Variants in BBS10 observed in about 807,000 individuals in gnomAD.
BBS10 encodes Bardet-Biedl syndrome 10.
A neutral mutation model predicts 12.7 loss-of-function variants in BBS10; 13 were observed. The observed-to-expected ratio is 1.03, with a 90% CI of 0.67 to 1.63. The LOEUF (loss-of-function observed/expected upper bound fraction) is 1.63, where lower values mean the gene tolerates loss of function less well. Among genes scored for constraint, BBS10 ranks in the 40% most tolerant of loss-of-function variants. The probability of loss-of-function intolerance (pLI) is 0.00; values close to 1 mark genes in which losing one functional copy is unlikely to be tolerated. For synonymous variants in BBS10, 294 were observed against 304.8 expected (o/e 0.96, Z 0.37); for missense variants, 858 against 858.0 (o/e 1.00, Z 0.00).
chr12:76,347,139 CTG>C lies in BBS10; in HGVS notation c.844_845del (p.Gln282ValfsTer21). 3 of 1,611,708 alleles carry C rather than the reference CTG, an allele frequency of 1.9e-6. No homozygotes were observed. The highest frequency in any genetic ancestry group is 2.5e-6 in the Non-Finnish European group (3 of 1,179,946). On this transcript the variant is annotated frameshift_variant, in exon 2 of 2. Transcript: ENST00000650064. LOFTEE classifies it low-confidence loss of function (END_TRUNC). ...GSEFILNSEAQFQTSQFWIME... is the reference protein window; with the variant it reads ...GSEFILNSEAXFQTSQFWIME... ...TAATCCAAAATTGAGATGTCTGAAA[CTG>C]TGCTTCTGAATTTAGAATAAACTCT...
rs764694032 is a variant in BBS10, at chr12:76,346,039, G to C, written c.1946C>G (p.Thr649Arg). The C allele has an allele frequency of 1.4e-5, 23 of 1,613,786 alleles. No homozygotes were observed. Among genetic ancestry groups the C allele is most frequent in the Non-Finnish European group, 8.5e-7 (1 of 1,179,910 alleles). ...TGTATGTGGAAAGCTGTACTTTCCT[G>C]TTTTAGATTTATAAAGGACTTTGGG... The part of the protein sequence containing the change: ...GIPKVLYKSK[T>R]GKYSFPHTYI... Residue 649 changes from threonine to arginine, a missense_variant, in exon 2 of 2, where the codon ACA (threonine) becomes AGA (arginine). Transcript: ENST00000650064.
In BBS10 at chr12:76,345,555, A is replaced by G. The variant is rs576255500; in HGVS notation, c.*258T>C. ...CTCCCCTAAACACATAGGCTAACAC[A>G]GAGCTGAGACACAGAGGCATAAAAT... is the stretch of plus-strand genomic sequence containing the variant. On this transcript the variant is annotated 3_prime_UTR_variant, in exon 2 of 2. Transcript: ENST00000650064. The G allele has an allele frequency of 7.2e-5, 32 of 447,398 alleles. No homozygotes were observed. Among genetic ancestry groups the G allele is most frequent in the South Asian group, 6.9e-4 (32 of 46,576 alleles). 27.7% of individuals were successfully genotyped at this position (447,398 alleles called of 1,614,324 possible).
rs951451406 is a variant in BBS10 at position 76,345,733 on chromosome 12, A to G, written c.*80T>C. 7 of 1,310,838 alleles carry G rather than the reference A, an allele frequency of 5.3e-6. No homozygotes were observed. The African/African-American group carries it at 1.0e-4, about 19-fold the overall frequency. The allele number at this position is 1,310,838 out of a possible 1,614,324, so 81.2% of individuals were successfully genotyped here. A position where few individuals can be genotyped will look rare whatever the true frequency, so the allele number is the denominator to read the frequency against. On this transcript the variant is annotated 3_prime_UTR_variant, in exon 2 of 2. Transcript: ENST00000650064. ...CTATTTTCCTAAGTAGACTGAACTGACTTTAGAACCAGTGGTCACATGACT... is the reference window on the plus strand; with the variant it reads ...CTATTTTCCTAAGTAGACTGAACTGGCTTTAGAACCAGTGGTCACATGACT...
chr12:76,345,956 C>A lies in BBS10; in HGVS notation c.2029G>T (p.Gly677Cys). 1 of 1,614,014 alleles carries A rather than the reference C, an allele frequency of 6.2e-7. No individual in the cohort carries two copies. The highest frequency in any genetic ancestry group is 8.5e-7 in the Non-Finnish European group (1 of 1,179,942). Residue 677 changes from glycine (G) to cysteine (C), a missense_variant, in exon 2 of 2, where the codon GGT becomes TGT. Gly to Cys is a radical substitution (Grantham distance 159). Coordinates refer to ENST00000650064, the MANE Select transcript of BBS10 (RefSeq NM_024685.4). Reference protein sequence around the residue: ...TNQPLVSSQTGLESVMGKYQL... With the variant: ...TNQPLVSSQTCLESVMGKYQL... ...TATTTACCCATTACTGATTCCAAAC[C>A]TGTCTGACTGCTTACCAAGGGTTGA...
rs919105577 is a variant in BBS10, at chr12:76,344,726, G to A, written c.*1087C>T. On this transcript the variant is annotated 3_prime_UTR_variant, in exon 2 of 2. Coordinates refer to ENST00000650064, the MANE Select transcript of BBS10 (RefSeq NM_024685.4). ...TGTTGAATAAGTAAACTGGAAACAT[G>A]TATTTAAAGGAATGAATTAAAGATA... is the stretch of plus-strand genomic sequence containing the variant. 7 of 152,048 alleles carry A rather than the reference G, an allele frequency of 4.6e-5. No individual in the cohort carries two copies. The highest frequency in any genetic ancestry group is 2.6e-4 in the Admixed American group (4 of 15,272). The allele number at this position is 152,048 out of a possible 1,614,324, so 9.4% of individuals were successfully genotyped here.
rs1444034224 is a variant in BBS10 at position 76,346,357 on chromosome 12, T to C, written c.1628A>G (p.Asn543Ser). 5 of 1,613,974 alleles carry C rather than the reference T, an allele frequency of 3.1e-6. No homozygotes were observed. In the East Asian group the frequency reaches 1.1e-4, roughly 36 times the overall value. ...LTDYYEPLLK[N>S]NSTAYSTRGN... ...CCTTGTTGAATAAGCAGTGGAATTG[T>C]TCTTGAGTAATGGTTCATAATAATC... Residue 543 changes from asparagine to serine, a missense_variant, in exon 2 of 2, where the codon AAC becomes AGC. By Grantham distance (46) the Asn-to-Ser change is conservative. Coordinates refer to ENST00000650064, the MANE Select transcript of BBS10 (RefSeq NM_024685.4).
Position 76,347,364 on chromosome 12 carries a change from C to G in BBS10, c.621G>C (p.Gly207=). Residue 207 remains glycine (G), a synonymous_variant, in exon 2 of 2, where the codon GGG becomes GGC. Transcript: ENST00000650064. The part of the protein sequence containing the change: ...YFFKCMTCKS[G]IGVFELVDDH... ...CATCCACTAACTCAAATACACCAAT[C>G]CCACTTTTACAAGTCATACACTTGA... The G allele has an allele frequency of 6.2e-7, 1 of 1,614,018 alleles. No individual in the cohort carries two copies. Among genetic ancestry groups the G allele is most frequent in the Non-Finnish European group, 8.5e-7 (1 of 1,179,996 alleles).
rs1341482733 is a variant in BBS10, at chr12:76,346,947, A to C, written c.1038T>G (p.Ile346Met). ...SEEVSLIRRI[I>M]GLSPFVPPQA... ...GTGGTGGTACAAATGGAGAAAGACC[A>C]ATGATCCTCCGGATAAGAGAAACTT... The change falls in exon 2 of 2, where the codon ATT becomes ATG. Residue 346 changes from isoleucine to methionine, a missense_variant. By Grantham distance (10) the Ile-to-Met change is conservative. Transcript: ENST00000650064. The C allele has an allele frequency of 6.2e-7, 1 of 1,611,278 alleles. No individual in the cohort carries two copies. The highest frequency in any genetic ancestry group is 8.5e-7 in the Non-Finnish European group (1 of 1,180,008).
At position 76,346,592 on chromosome 12, in the gene BBS10, T is replaced by C; in HGVS notation, c.1393A>G (p.Ile465Val). 1.2e-6 allele frequency: 2 copies of C among 1,614,176 alleles called. No individual in the cohort carries two copies. Among genetic ancestry groups the C allele is most frequent in the South Asian group, 1.1e-5 (1 of 91,088 alleles). Residue 465 changes from isoleucine (I) to valine (V), a missense_variant, in exon 2 of 2, where the codon ATA becomes GTA. Transcript: ENST00000650064. ...ACTGTGTCCTGATAAGGCCTTTGTA[T>C]TGAGCCATTACCAGGATCTGGTGCT... is the stretch of plus-strand genomic sequence containing the variant. ...YQAPDPGNGSIQRPYQDTVAE... is the reference protein window; with the variant it reads ...YQAPDPGNGSVQRPYQDTVAE...
Position 76,345,742 on chromosome 12 carries a change from C to T in BBS10, c.*71G>A. On this transcript the variant is annotated 3_prime_UTR_variant, in exon 2 of 2. Transcript: ENST00000650064. ...TAAGTAGACTGAACTGACTTTAGAA[C>T]CAGTGGTCACATGACTGCTTTACTT... 1 of 1,381,500 alleles carries T rather than the reference C, an allele frequency of 7.2e-7. No homozygotes were observed. 85.6% of individuals were successfully genotyped at this position (1,381,500 alleles called of 1,614,324 possible).
chr12:76,348,364 G>A lies in BBS10; in HGVS notation c.-6C>T. 20 of 1,574,030 alleles carry A rather than the reference G, an allele frequency of 1.3e-5. No individual in the cohort carries two copies. The highest frequency in any genetic ancestry group is 1.4e-5 in the Non-Finnish European group (16 of 1,159,738). The stretch of plus-strand genomic sequence containing the variant: ...GCGGCCATAGAACTTAACATATCTG[G>A]GCCGCTTCCCCTTTTTGACCAGCTT... On this transcript the variant is annotated 5_prime_UTR_variant, in exon 1 of 2. Coordinates refer to ENST00000650064, the MANE Select transcript of BBS10 (RefSeq NM_024685.4).
Position 76,346,934 on chromosome 12 carries a change from A to G in BBS10, c.1051T>C (p.Phe351Leu). Residue 351 changes from phenylalanine to leucine, a missense_variant, in exon 2 of 2, where the codon TTT becomes CTT. By Grantham distance (22) the Phe-to-Leu change is conservative. Coordinates refer to ENST00000650064, the MANE Select transcript of BBS10 (RefSeq NM_024685.4). ...LIRRIIGLSP[F>L]VPPQAFSQCE... The stretch of plus-strand genomic sequence containing the variant: ...TGCGAAAAGGCCTGTGGTGGTACAA[A>G]TGGAGAAAGACCAATGATCCTCCGG... The G allele has an allele frequency of 6.2e-7, 1 of 1,611,598 alleles. No individual in the cohort carries two copies. Among genetic ancestry groups the G allele is most frequent in the South Asian group, 1.1e-5 (1 of 91,084 alleles).
In BBS10 at chr12:76,347,595, G is replaced by A; in HGVS notation, c.390C>T (p.Ser130=). ...GTGTCTGAAACGTTAGGAGAGCCTGGGAAATAAATTTCCACCGAGAACAAT... is the reference window on the plus strand; with the variant it reads ...GTGTCTGAAACGTTAGGAGAGCCTGAGAAATAAATTTCCACCGAGAACAAT... The part of the protein sequence containing the change: ...WKNCSRWKFI[S]QALLTFQTQI... The change falls in exon 2 of 2, where the codon TCC becomes TCT. Residue 130 remains serine (S), a synonymous_variant. Transcript: ENST00000650064. 1.9e-6 allele frequency: 3 copies of A among 1,612,628 alleles called. No individual in the cohort carries two copies. The highest frequency in any genetic ancestry group is 2.7e-5 in the African/African-American group (2 of 74,574).
chr12:76,348,108 C>T, intron 1 of BBS10, 54 bp downstream of exon 1: 2 of 1,557,922 alleles, frequency 1.3e-6, no homozygotes, highest in East Asian at 2.3e-5. Flanking sequence ...ACAAGAGCTC[C>T]ACAGAGGCTG....
chr12:76,345,286 G>A lies in BBS10; in HGVS notation c.*527C>T, dbSNP rs1249039102. The A allele has an allele frequency of 1.3e-5, 2 of 152,232 alleles. No individual in the cohort carries two copies. Among genetic ancestry groups the A allele is most frequent in the Admixed American group, 1.3e-4 (2 of 15,296 alleles). The allele number at this position is 152,232 out of a possible 1,614,324, so 9.4% of individuals were successfully genotyped here. A position where few individuals can be genotyped will look rare whatever the true frequency, so the allele number is the denominator to read the frequency against. ...TTATGCTTTTTGAAAAAAAATTTGA[G>A]CCTTTTACTCACTGCTAATTTAATT... is the stretch of plus-strand genomic sequence containing the variant. On this transcript the variant is annotated 3_prime_UTR_variant, in exon 2 of 2. Transcript: ENST00000650064.
At position 76,345,752 on chromosome 12, in the gene BBS10, CAT is replaced by C; in HGVS notation, c.*59_*60del. 2.7e-6 allele frequency: 4 copies of C among 1,470,818 alleles called. No individual in the cohort carries two copies. Among genetic ancestry groups the C allele is most frequent in the Non-Finnish European group, 2.8e-6 (3 of 1,058,942 alleles). 91.1% of individuals were successfully genotyped at this position (1,470,818 alleles called of 1,614,324 possible). A position where few individuals can be genotyped will look rare whatever the true frequency, so the allele number is the denominator to read the frequency against. Reference sequence around the variant, plus strand: ...GAACTGACTTTAGAACCAGTGGTCACATGACTGCTTTACTTGGCTTGAGTTAG... The same window carrying C: ...GAACTGACTTTAGAACCAGTGGTCACGACTGCTTTACTTGGCTTGAGTTAG... On this transcript the variant is annotated 3_prime_UTR_variant, in exon 2 of 2. Transcript: ENST00000650064.
rs774095109 is a variant in BBS10, at chr12:76,347,619, A to AT, written c.365dup (p.Asn122LysfsTer30). The stretch of plus-strand genomic sequence containing the variant: ...GGGAAATAAATTTCCACCGAGAACA[A>AT]TTTTTCCAATGCCTTCCATGGGTTT... On this transcript the variant is annotated frameshift_variant, in exon 2 of 2. Transcript: ENST00000650064. LOFTEE classifies it low-confidence loss of function (END_TRUNC). 2 of 1,613,832 alleles carry AT rather than the reference A, an allele frequency of 1.2e-6. No individual in the cohort carries two copies. The highest frequency in any genetic ancestry group is 2.2e-5 in the South Asian group (2 of 91,076).
rs1366017380 is a variant in BBS10 at position 76,345,971 on chromosome 12, C to T, written c.2014G>A (p.Val672Ile). 1.9e-6 allele frequency: 3 copies of T among 1,613,972 alleles called. No individual in the cohort carries two copies. The highest frequency in any genetic ancestry group is 2.5e-6 in the Non-Finnish European group (3 of 1,179,926). The stretch of plus-strand genomic sequence containing the variant: ...GATTCCAAACCTGTCTGACTGCTTA[C>T]CAAGGGTTGATTGGTTTGCAGTGCA... ...VHALQTNQPL[V>I]SSQTGLESVM... Residue 672 changes from valine (V) to isoleucine (I), a missense_variant, in exon 2 of 2, where the codon GTA becomes ATA. Val to Ile is a conservative substitution (Grantham distance 29). Coordinates refer to ENST00000650064, the MANE Select transcript of BBS10 (RefSeq NM_024685.4).
rs370079788 is a variant in BBS10, at chr12:76,346,793, C to T, written c.1192G>A (p.Val398Ile). ...AGACCATGCACTGGTCCACAAAGAACTATAGAGTGTGGTATAAATGCACAT... is the reference window on the plus strand; with the variant it reads ...AGACCATGCACTGGTCCACAAAGAATTATAGAGTGTGGTATAAATGCACAT... ...STCAFIPHSIVLCGPVHGLIE... is the reference protein window; with the variant it reads ...STCAFIPHSIILCGPVHGLIE... The change falls in exon 2 of 2, where the codon GTT becomes ATT. Residue 398 changes from valine to isoleucine, a missense_variant. Val to Ile is a conservative substitution (Grantham distance 29). Transcript: ENST00000650064. 8 of 1,614,132 alleles carry T rather than the reference C, an allele frequency of 5.0e-6. No individual in the cohort carries two copies. In the African/African-American group the frequency reaches 1.1e-4, roughly 22 times the overall value.
Sources: allele counts gnomAD v4.1 joint callset, GRCh38; gene constraint gnomAD v4.1.1; transcripts MANE v1.5; gene names NCBI Gene and HGNC (gene_info 2026-07-23, HGNC 2026-07-21).